Variants in TRIM24 observed in about 807,000 individuals in gnomAD.
The protein encoded by TRIM24 is tripartite motif containing 24, also known as transcription intermediary factor 1-alpha.
In TRIM24, 29 loss-of-function variants were observed where a neutral mutation model predicts 123.9. The observed-to-expected ratio is 0.23, with a 90% CI of 0.17 to 0.32. The LOEUF is 0.32. TRIM24 is among the 10% of genes least tolerant of loss of function. The pLI is 1.00. For missense variants in TRIM24, 932 were observed against 1,295.3 expected (o/e 0.72, Z 4.31); for synonymous variants, 456 against 461.1 (o/e 0.99, Z 0.14).
chr7:138,499,439 A>G (rs773224676), intron 1 of TRIM24, among the ~76,000 whole-genome samples: 2 of 152,232 alleles, frequency 1.3e-5, no homozygotes, highest in Non-Finnish European at 2.9e-5. Flanking sequence ...AGCAAGGGAC[A>G]GGAGAAGCTT....
chr7:138,464,924 G>A (rs1239340094), intron 1 of TRIM24, among the ~76,000 whole-genome samples: 1 of 152,072 alleles, frequency 6.6e-6, no homozygotes, highest in Non-Finnish European at 1.5e-5. Flanking sequence ...TTTCTTTAAT[G>A]CAAGCAGTAT....
chr7:138,470,695 G>T (rs913602915), intron 1 of TRIM24, among the ~76,000 whole-genome samples: 1 of 152,168 alleles, frequency 6.6e-6, no homozygotes, highest in African/African-American at 2.4e-5. Flanking sequence ...ATTAACGACA[G>T]AGACAGTTCC....
Position 138,485,888 on chromosome 7 carries a change from A to C in TRIM24, c.365-18402A>C, listed in dbSNP as rs192792880. Among the ~76,000 whole-genome samples the C allele has an allele frequency of 4.2e-3, 646 of 152,260 alleles. 6 individuals carry two copies. Among genetic ancestry groups the C allele is most frequent in the African/African-American group, 0.015 (631 of 41,540 alleles). ...GATCACTGGGTCAAATGGTATTTCT[A>C]GTTCTAGATCCTTGAGGAATCGCCA... On this transcript the variant is annotated intron_variant, in intron 1 of 18. Transcript: ENST00000343526.
chr7:138,506,817 G>A (rs1432519178), intron 2 of TRIM24, among the ~76,000 whole-genome samples: 1 of 152,096 alleles, frequency 6.6e-6, no homozygotes, highest in Non-Finnish European at 1.5e-5. Context: ...GTGCTGCTGG[G>A]GGCATTTGGT....
At chr7:138,523,798 G>T (rs1047390423) in intron 4 of TRIM24, among the ~76,000 whole-genome samples, 2 of 150,432 alleles carry the variant, frequency 1.3e-5, no homozygotes, top group Admixed American at 1.3e-4. Flanking sequence ...AACTTGTCTG[G>T]AGAATGGCAA....
chr7:138,545,845 T>C (rs1385736634), intron 7 of TRIM24, among the ~76,000 whole-genome samples: 1 of 152,004 alleles, frequency 6.6e-6, no homozygotes, highest in African/African-American at 2.4e-5. Flanking sequence ...AAGAACAAAT[T>C]TGAGGATCAA....
chr7:138,514,796 C>T (rs1796362495), intron 2 of TRIM24: 1 of 155,218 alleles, frequency 6.4e-6, no homozygotes, highest in Non-Finnish European at 1.4e-5. Context: ...TTATTACCCT[C>T]ATATTAAAGA....
Position 138,551,025 on chromosome 7 carries a change from T to C in TRIM24, c.1144-38T>C, listed in dbSNP as rs763622831. ...TATTTACTGGGCGCTTAATAAATTA[T>C]TTGCCTAATATTTAGTTATCTCTCC... On this transcript the variant is annotated intron_variant, in intron 7 of 18. Transcript: ENST00000343526. 3.2e-6 allele frequency: 5 copies of C among 1,543,474 alleles called. No homozygotes were observed. The African/African-American group carries it at 4.1e-5, about 13-fold the overall frequency.
rs1053665653 is a variant in TRIM24, at chr7:138,576,498, C to CTT, written c.2087+56_2087+57dup. The CTT allele has an allele frequency of 5.9e-5, 89 of 1,520,302 alleles. 1 individual carries two copies. In the Admixed American group the frequency reaches 1.5e-3, roughly 25 times the overall value. The allele number at this position is 1,520,302 out of a possible 1,614,324, so 94.2% of individuals were successfully genotyped here. ...TATATAAAAATCTCTAATTAGATTTCTTTTGCCAGTGTTCAACATGTTTTG... is the reference window on the plus strand; with the variant it reads ...TATATAAAAATCTCTAATTAGATTTCTTTTTTGCCAGTGTTCAACATGTTTTG... On this transcript the variant is annotated intron_variant, in intron 13 of 18. Coordinates refer to ENST00000343526, the MANE Select transcript of TRIM24 (RefSeq NM_015905.3).
chr7:138,464,864 T>G (rs1467260794), intron 1 of TRIM24, among the ~76,000 whole-genome samples: 1 of 152,234 alleles, frequency 6.6e-6, no homozygotes, highest in Non-Finnish European at 1.5e-5. Context: ...CTACCTAATC[T>G]GGCGTAGTTG....
intron 1 of TRIM24, among the ~76,000 whole-genome samples, chr7:138,475,836 C>G (rs1351412701): frequency 6.6e-6 from 1 of 152,136 alleles, no homozygotes; most frequent in East Asian, 1.9e-4. Context: ...ATAAAAGATA[C>G]ATCTGCAAAA....
At chr7:138,578,744 A>G (rs1797827281) in intron 14 of TRIM24, among the ~76,000 whole-genome samples, 5 of 145,096 alleles carry the variant, frequency 3.4e-5, no homozygotes, top group Non-Finnish European at 7.7e-5. Flanking sequence ...CTTCCAAGGA[A>G]TAAGTGCTTT....
In TRIM24 at chr7:138,586,125, T is replaced by C; in HGVS notation, c.*1174T>C. ...GATTGATAGAGGTACAAAAGACTTA[T>C]CTTCTGAGGACAAGCATATTCTTAA... On this transcript the variant is annotated 3_prime_UTR_variant, in exon 19 of 19. Coordinates refer to ENST00000343526, the MANE Select transcript of TRIM24 (RefSeq NM_015905.3). 8.4e-6 allele frequency: 3 copies of C among 356,252 alleles called. No homozygotes were observed. The highest frequency in any genetic ancestry group is 1.7e-5 in the Non-Finnish European group (3 of 180,896). The allele number at this position is 356,252 out of a possible 1,614,324, so 22.1% of individuals were successfully genotyped here. A position where few individuals can be genotyped will look rare whatever the true frequency, so the allele number is the denominator to read the frequency against.
chr7:138,584,761 A>T lies in TRIM24; in HGVS notation c.2963A>T (p.Asn988Ile). 1.2e-6 allele frequency: 2 copies of T among 1,610,750 alleles called. No homozygotes were observed. Among genetic ancestry groups the T allele is most frequent in the Non-Finnish European group, 1.7e-6 (2 of 1,179,112 alleles). Residue 988 changes from asparagine (N) to isoleucine (I), a missense_variant, in exon 19 of 19, where the codon AAT becomes ATT. Asn to Ile is a moderately radical substitution (Grantham distance 149, BLOSUM62 -3). Around this residue, in one of 7 missense-constraint regions of TRIM24, gnomAD observed 104 missense variants for 121.5 expected, o/e 0.86. Coordinates refer to ENST00000343526, the MANE Select transcript of TRIM24 (RefSeq NM_015905.3). Reference protein sequence around the residue: ...EFNEPDSEVANAGIKLENYFE... With the variant: ...EFNEPDSEVAIAGIKLENYFE... The stretch of plus-strand genomic sequence containing the variant: ...CCACAGCCTGATTCAGAAGTAGCCA[A>T]TGCTGGTATAAAACTTGAAAATTAT...
chr7:138,527,823 G>A (rs77768014), intron 5 of TRIM24, among the ~76,000 whole-genome samples: 2,487 of 152,264 alleles, frequency 0.016, 29 homozygotes, highest in Non-Finnish European at 0.023. Context: ...GAAACAGGAG[G>A]ATTTTATTGA....
chr7:138,512,240 A>T (rs1205700439), intron 2 of TRIM24, among the ~76,000 whole-genome samples: 3 of 152,220 alleles, frequency 2.0e-5, no homozygotes, highest in Non-Finnish European at 2.9e-5. Flanking sequence ...TCATGGGTTG[A>T]CATTGAGTAT....
chr7:138,509,519 T>A (rs1035825442), intron 2 of TRIM24, among the ~76,000 whole-genome samples: 1 of 149,944 alleles, frequency 6.7e-6, no homozygotes, highest in Non-Finnish European at 1.5e-5. Context: ...CTGACCAATA[T>A]GGTGAAAGCC....
chr7:138,515,157 A>G (rs892912620), intron 2 of TRIM24, 55 bp from the exon 3 acceptor site: 1 of 1,574,364 alleles, frequency 6.4e-7, no homozygotes, highest in Admixed American at 1.7e-5. Flanking sequence ...ATAGCTCGAG[A>G]TAGGACCACC....
intron 1 of TRIM24, chr7:138,490,878 AT>A: frequency 2.2e-6 from 1 of 445,728 alleles, no homozygotes; most frequent in South Asian, 1.8e-5. Context: ...CTTCTTCTGG[AT>A]TTGGCAGACC....
Sources: gnomAD v4.1 joint callset for allele counts (sites outside exome capture counted in the v4.1 genomes callset) on GRCh38, gnomAD v4.1.1 for gene constraint, gnomAD v4.1.1 regional missense constraint, MANE v1.5 for transcripts, NCBI Gene and HGNC (gene_info 2026-07-23, HGNC 2026-07-21) for gene names.